The following MACF1 variants were observed in gnomAD, a reference collection of about 807,000 sequenced individuals.
The protein encoded by MACF1 is microtubule-actin cross-linking factor 1.
Under a neutral mutation model 854.8 loss-of-function variants are expected in MACF1, and 193 were observed. The ratio of observed to expected loss-of-function variants is 0.23; its 90% CI spans 0.20 to 0.25. MACF1 has a LOEUF of 0.25. Among genes scored for constraint, MACF1 ranks in the 10% least tolerant of loss-of-function variants. MACF1 has a pLI of 1.00. For synonymous variants in MACF1, 3,185 were observed against 3,226.7 expected (o/e 0.99, Z 0.44); for missense variants, 7,722 against 8,929.1 (o/e 0.86, Z 5.45).
intron 2 of MACF1, among the ~76,000 whole-genome samples, chr1:39,187,859 T>TCTCTCTGTCTCTCTCC (rs1644194204): frequency 7.3e-6 from 1 of 136,232 alleles, no homozygotes; most frequent in African/African-American, 2.7e-5. Context: ...TCTCTCTCTC[T>TCTCTCTGTCTCTCTCC]CTCTCTGTCT....
At chr1:39,153,317 A>C (rs764711700) in intron 2 of MACF1, among the ~76,000 whole-genome samples, 2 of 152,236 alleles carry the variant, frequency 1.3e-5, no homozygotes, top group South Asian at 4.1e-4. Context: ...GTGGGGCTAG[A>C]ATCTGAGGTC....
At chr1:39,218,372 G>C (rs1644604405) in intron 1 of MACF1, among the ~76,000 whole-genome samples, 1 of 152,156 alleles carries the variant, frequency 6.6e-6, no homozygotes, top group South Asian at 2.1e-4. Context: ...GAAGGGAAAT[G>C]AATGTCATGC....
chr1:39,460,780 G>C lies in MACF1; in HGVS notation c.21509G>C (p.Gly7170Ala). Reference protein sequence around the residue: ...GKITRQEFIDGILASKFPTTK... With the variant: ...GKITRQEFIDAILASKFPTTK... ...ATAACACGTCAGGAGTTTATCGATG[G>C]CATTTTAGCATCCAGTGAGTCTAGT... is the stretch of plus-strand genomic sequence containing the variant. Residue 7170 changes from glycine (G) to alanine (A), a missense_variant, in exon 92 of 101, where the codon GGC becomes GCC. By Grantham distance (60) the Gly-to-Ala change is moderately conservative. Transcript: ENST00000564288. This position sits in a 1 kb window ranked among gnomAD's most constrained non-coding sequence, Gnocchi z 4.1. 6.2e-7 allele frequency: 1 copy of C among 1,614,128 alleles called. No individual in the cohort carries two copies. The highest frequency in any genetic ancestry group is 1.1e-5 in the South Asian group (1 of 91,070).
intron 68 of MACF1, 56 bp from the exon 69 acceptor site, chr1:39,434,358 T>C: frequency 9.5e-7 from 1 of 1,049,298 alleles, no homozygotes; most frequent in South Asian, 1.6e-5. Context: ...ACTTTTTTTC[T>C]TAAGAGTTTA....
intron 2 of MACF1, among the ~76,000 whole-genome samples, chr1:39,178,684 C>T (rs1474476335): frequency 6.6e-6 from 1 of 152,190 alleles, no homozygotes; most frequent in Non-Finnish European, 1.5e-5. Flanking sequence ...TTACTGGGCA[C>T]ATTCCAGCAG....
rs1471276692 is a variant in MACF1, at chr1:39,409,194, G to A, written c.15817-13180G>A. Among the ~76,000 whole-genome samples, 4 of 152,110 alleles carry A rather than the reference G, an allele frequency of 2.6e-5. No individual in the cohort carries two copies. The highest frequency in any genetic ancestry group is 7.2e-5 in the African/African-American group (3 of 41,444). ...CCAGAAGTTTGCATGCCGGGACCGT[G>A]ACAGCTGCGGGCGGGGAGGACGGCG... is the stretch of plus-strand genomic sequence containing the variant. On this transcript the variant is annotated intron_variant, in intron 58 of 100. Transcript: ENST00000564288. This position sits in a 1 kb window ranked among gnomAD's most constrained non-coding sequence, Gnocchi z 4.2.
At chr1:39,156,761 G>T (rs1044808966) in intron 2 of MACF1, among the ~76,000 whole-genome samples, 12 of 152,086 alleles carry the variant, frequency 7.9e-5, no homozygotes, top group African/African-American at 2.9e-4. Context: ...CTAATTTACG[G>T]TCTTTAAGCA....
chr1:39,428,358 A>T, intron 63 of MACF1, 71 bp downstream of exon 63: 1 of 1,402,342 alleles, frequency 7.1e-7, no homozygotes, highest in Non-Finnish European at 9.5e-7. Context: ...GTTTCTCTTC[A>T]TTTATTTTTT....
chr1:39,104,432 T>G (rs1642168691), intron 2 of MACF1, among the ~76,000 whole-genome samples: 1 of 152,206 alleles, frequency 6.6e-6, no homozygotes, highest in African/African-American at 2.4e-5. Context: ...AAAGAATAAT[T>G]GGCTTCCCCT....
In MACF1 at chr1:39,484,740, T is replaced by C. The variant is rs1344817336; in HGVS notation, c.22411+10T>C. The C allele has an allele frequency of 6.2e-7, 1 of 1,614,070 alleles. No individual in the cohort carries two copies. The highest frequency in any genetic ancestry group is 1.3e-5 in the African/African-American group (1 of 74,944). On this transcript the variant is annotated intron_variant, in intron 100 of 100. Coordinates refer to ENST00000564288, the MANE Select transcript of MACF1 (RefSeq NM_001394062.1). ...AAAACTAATCGGGCAGGTAAGTACCTGCCCCGTGACCTACAAGCCAGGCTG... is the reference window on the plus strand; with the variant it reads ...AAAACTAATCGGGCAGGTAAGTACCCGCCCCGTGACCTACAAGCCAGGCTG...
At chr1:39,284,276 T>C (rs1378433830) in intron 10 of MACF1, 57 bp from the exon 11 acceptor site, 1 of 1,565,572 alleles carries the variant, frequency 6.4e-7, no homozygotes, top group Non-Finnish European at 8.6e-7. Flanking sequence ...TGAGGTGGTA[T>C]GAAAAATTGG....
At chr1:39,114,735 A>G (rs990011386) in intron 2 of MACF1, among the ~76,000 whole-genome samples, 1 of 152,294 alleles carries the variant, frequency 6.6e-6, no homozygotes, top group South Asian at 2.1e-4. Flanking sequence ...TGGAGGAAAC[A>G]TATTGGCAAA....
At chr1:39,115,600 A>G (rs576364317) in intron 2 of MACF1, among the ~76,000 whole-genome samples, 47 of 152,244 alleles carry the variant, frequency 3.1e-4, no homozygotes, top group African/African-American at 6.3e-4. Flanking sequence ...GATGTCCAGG[A>G]GGTAGTTGGT....
Position 39,283,978 on chromosome 1 carries a change from T to C in MACF1, c.916-88T>C, listed in dbSNP as rs1032480246. On this transcript the variant is annotated intron_variant, in intron 9 of 100. Transcript: ENST00000564288. This position sits in a 1 kb window ranked among gnomAD's most constrained non-coding sequence, Gnocchi z 4.5. The stretch of plus-strand genomic sequence containing the variant: ...AGGCAATTAAAGGAAATGGATTTTA[T>C]ATAGTTTGGAGTGGCCTGAGCTACT... The C allele has an allele frequency of 7.1e-7, 1 of 1,414,228 alleles. No homozygotes were observed. Among genetic ancestry groups the C allele is most frequent in the Non-Finnish European group, 9.7e-7 (1 of 1,026,374 alleles). The allele number at this position is 1,414,228 out of a possible 1,614,324, so 87.6% of individuals were successfully genotyped here. A position where few individuals can be genotyped will look rare whatever the true frequency, so the allele number is the denominator to read the frequency against.
At position 39,251,960 on chromosome 1, in the gene MACF1, G is replaced by A; in HGVS notation, c.357+19G>A. 6.8e-7 allele frequency: 1 copy of A among 1,472,444 alleles called. No individual in the cohort carries two copies. Among genetic ancestry groups the A allele is most frequent in the South Asian group, 1.3e-5 (1 of 74,536 alleles). The allele number at this position is 1,472,444 out of a possible 1,614,324, so 91.2% of individuals were successfully genotyped here. On this transcript the variant is annotated intron_variant, in intron 4 of 100. Transcript: ENST00000564288. ...TGATGTAGTAGGTCCTCCTGGGGAT[G>A]CCAGCATCCCAGCTGGCACTGCTGG...
At chr1:39,345,922 A>G (rs1647036062) in intron 40 of MACF1, among the ~76,000 whole-genome samples, 1 of 152,132 alleles carries the variant, frequency 6.6e-6, no homozygotes. Context: ...ACAAAAAATT[A>G]GCCAGGCATG....
intron 79 of MACF1, among the ~76,000 whole-genome samples, chr1:39,444,204 G>A (rs1037605143): frequency 2.0e-5 from 3 of 152,016 alleles, no homozygotes; most frequent in South Asian, 2.1e-4. Context: ...GCGTGGTGGC[G>A]GGCGCCTGTA....
chr1:39,236,328 A>C (rs911701487), intron 2 of MACF1, among the ~76,000 whole-genome samples: 2 of 152,202 alleles, frequency 1.3e-5, no homozygotes, highest in African/African-American at 4.8e-5. Context: ...GTTCTTGCTG[A>C]ACTATGTGCC....
chr1:39,269,301 C>T, intron 6 of MACF1: 2 of 1,289,770 alleles, frequency 1.6e-6, no homozygotes, highest in Non-Finnish European at 2.0e-6. Flanking sequence ...CTGTGCTTTG[C>T]CTAGGACAGA....
Sources: allele counts gnomAD v4.1 joint callset (sites outside exome capture counted in the v4.1 genomes callset), GRCh38; gene constraint gnomAD v4.1.1; non-coding constraint Gnocchi (gnomAD v3.1); transcripts MANE v1.5; gene names NCBI Gene and HGNC (gene_info 2026-07-23, HGNC 2026-07-21).